Variants in STK38 observed in about 807,000 individuals in gnomAD.
The protein encoded by STK38 is serine/threonine kinase 38.
A neutral mutation model predicts 59.0 loss-of-function variants in STK38; 26 were observed. The observed-to-expected ratio is 0.44, with a 90% CI of 0.32 to 0.61. STK38 has a LOEUF of 0.61. Ranked by LOEUF, STK38 falls within the 20% of genes least tolerant of loss-of-function variation. STK38 has a pLI of 0.04. For missense variants in STK38, 433 were observed against 566.0 expected (o/e 0.76, Z 2.38); for synonymous variants, 175 against 176.6 (o/e 0.99, Z 0.07).
At chr6:36,544,510 T>C (rs1011244451) in intron 1 of STK38, among the ~76,000 whole-genome samples, 45 of 152,316 alleles carry the variant, frequency 3.0e-4, no homozygotes, top group Admixed American at 6.5e-4. Flanking sequence ...GTGAGAGTTT[T>C]GTACTTCCTT....
intron 2 of STK38, among the ~76,000 whole-genome samples, chr6:36,527,207 A>ATATATATATATATATATATATAT: frequency 8.4e-6 from 1 of 119,346 alleles, no homozygotes; most frequent in Admixed American, 1.0e-4. Flanking sequence ...AAAAAAAAAA[A>ATATATATATATATATATATATAT]ATATATGTAT....
intron 2 of STK38, 33 bp from the exon 3 acceptor site, chr6:36,525,675 A>G (rs750025889): frequency 2.5e-6 from 4 of 1,568,684 alleles, no homozygotes; most frequent in Non-Finnish European, 3.5e-6. Context: ...ACATGAAATC[A>G]CATCTGAATG....
At chr6:36,503,446 GTGTT>G (rs543855958) in intron 9 of STK38, among the ~76,000 whole-genome samples, 3,671 of 151,110 alleles carry the variant, frequency 0.024, 49 homozygotes, top group Non-Finnish European at 0.027. Context: ...GTGTGTGTGT[GTGTT>G]TGTGTGTGTA....
intron 1 of STK38, among the ~76,000 whole-genome samples, chr6:36,543,345 G>A (rs555292599): frequency 4.6e-5 from 7 of 151,956 alleles, no homozygotes; most frequent in East Asian, 3.9e-4. Flanking sequence ...GATTACAGGC[G>A]TGAGCCACCA....
intron 9 of STK38, among the ~76,000 whole-genome samples, chr6:36,501,037 C>G (rs1776826153): frequency 2.0e-5 from 3 of 152,140 alleles, no homozygotes; most frequent in Admixed American, 2.0e-4. Flanking sequence ...TGGCTCACCT[C>G]AAACTCCTAG....
At chr6:36,533,443 A>T (rs1777716968) in intron 2 of STK38, among the ~76,000 whole-genome samples, 2 of 152,342 alleles carry the variant, frequency 1.3e-5, no homozygotes, top group South Asian at 4.1e-4. Flanking sequence ...CAAAACCACC[A>T]ATGCTGTATT....
chr6:36,514,551 AGGT>A (rs1382805154), intron 7 of STK38, among the ~76,000 whole-genome samples: 1 of 152,166 alleles, frequency 6.6e-6, no homozygotes, highest in Non-Finnish European at 1.5e-5. Context: ...AGTGAGATCC[AGGT>A]GGTAAAGAGA....
chr6:36,535,984 A>G (rs1202689720), intron 2 of STK38, among the ~76,000 whole-genome samples: 29 of 152,126 alleles, frequency 1.9e-4, no homozygotes, highest in Admixed American at 1.9e-3. Context: ...TACTCAAAGC[A>G]ATCTTAAAAT....
chr6:36,517,599 G>A (rs1777286869), intron 6 of STK38, 118 bp downstream of exon 6: 1 of 1,361,780 alleles, frequency 7.3e-7, no homozygotes, highest in African/African-American at 1.5e-5. Context: ...CCTAAAAAAG[G>A]ATATAGAAAG....
At chr6:36,512,482 T>C (rs1716714020) in intron 7 of STK38, among the ~76,000 whole-genome samples, 2 of 152,188 alleles carry the variant, frequency 1.3e-5, no homozygotes, top group South Asian at 4.1e-4. Context: ...TTATTAAACA[T>C]ATATCTGACA....
chr6:36,509,249 C>T (rs572125761), intron 7 of STK38, among the ~76,000 whole-genome samples: 1 of 152,284 alleles, frequency 6.6e-6, no homozygotes. Flanking sequence ...TCAGGAGACC[C>T]AAAGTGGGTT....
intron 1 of STK38, among the ~76,000 whole-genome samples, chr6:36,543,989 T>C (rs1192258256): frequency 1.3e-5 from 2 of 152,210 alleles, no homozygotes; most frequent in African/African-American, 4.8e-5. Flanking sequence ...TTTTCCCCCT[T>C]AATATTTAGT....
At chr6:36,539,760 T>TTC (rs1554170099) in intron 2 of STK38, among the ~76,000 whole-genome samples, 1 of 150,918 alleles carries the variant, frequency 6.6e-6, no homozygotes, top group Non-Finnish European at 1.5e-5. Context: ...TTTTTTTTTT[T>TTC]TTTTTTTAAG....
At chr6:36,522,466 A>G (rs1203089285) in intron 4 of STK38, 1 of 152,212 alleles carries the variant, frequency 6.6e-6, no homozygotes, top group African/African-American at 2.4e-5. Flanking sequence ...CAGCCACTGC[A>G]CTCCAGCCTG....
At chr6:36,544,358 CTGTT>C (rs1032137115) in intron 1 of STK38, among the ~76,000 whole-genome samples, 12 of 152,000 alleles carry the variant, frequency 7.9e-5, no homozygotes, top group Admixed American at 2.0e-4. Context: ...AAAAAAACCT[CTGTT>C]TGGTTTGTGA....
intron 9 of STK38, among the ~76,000 whole-genome samples, chr6:36,503,398 A>C (rs1030982048): frequency 2.0e-5 from 3 of 151,750 alleles, no homozygotes; most frequent in Non-Finnish European, 2.9e-5. Flanking sequence ...CATATACTGT[A>C]AGGTAGGGAT....
intron 2 of STK38, among the ~76,000 whole-genome samples, chr6:36,529,010 C>T (rs1777604338): frequency 6.6e-6 from 1 of 151,870 alleles, no homozygotes; most frequent in African/African-American, 2.4e-5. Context: ...GAGAAAGTAT[C>T]CAGAAAAAAA....
rs546107992 is a variant in STK38, at chr6:36,535,600, G to C, written c.131+4472C>G. Among the ~76,000 whole-genome samples, 3 of 152,100 alleles carry C rather than the reference G, an allele frequency of 2.0e-5. No individual in the cohort carries two copies. In the East Asian group the frequency reaches 5.8e-4, roughly 29 times the overall value. ...ATAATTCCAATAGTAATTCCAGGCC[G>C]GGTGCAGTGGCTCATACCTATAATC... On this transcript the variant is annotated intron_variant, in intron 2 of 13. Coordinates refer to ENST00000229812, the MANE Select transcript of STK38 (RefSeq NM_007271.4).
At chr6:36,501,128 T>C (rs1776827945) in intron 9 of STK38, among the ~76,000 whole-genome samples, 1 of 151,884 alleles carries the variant, frequency 6.6e-6, no homozygotes, top group Admixed American at 6.6e-5. Context: ...AATTTTTTAA[T>C]TTTTTTGTAG....
Sources: allele counts gnomAD v4.1 joint callset (sites outside exome capture counted in the v4.1 genomes callset), GRCh38; gene constraint gnomAD v4.1.1; transcripts MANE v1.5; gene names NCBI Gene and HGNC (gene_info 2026-07-23, HGNC 2026-07-21).